Variants in WDR83 observed in about 807,000 individuals in gnomAD.
WDR83 encodes WD repeat domain 83.
In WDR83, 37 loss-of-function variants were observed where a neutral mutation model predicts 37.7. The observed-to-expected ratio is 0.98, with a 90% CI of 0.76 to 1.29. WDR83 has a LOEUF of 1.29. Ranked by LOEUF, WDR83 falls within the 50% of genes most tolerant of loss-of-function variation. The pLI is 0.00. For missense variants in WDR83, 445 were observed against 414.4 expected, an observed-to-expected ratio of 1.07 and a Z score of -0.64; for synonymous variants, 174 against 181.1, an observed-to-expected ratio of 0.96 and a Z score of 0.31.
At chr19:12,667,903 G>A (rs2024300012) in intron 1 of WDR83, among the ~76,000 whole-genome samples, 1 of 152,056 alleles carries the variant, frequency 6.6e-6, no homozygotes, top group Non-Finnish European at 1.5e-5. Context: ...TTGCCAGAGG[G>A]CAGAAGTCAC....
rs772261340 is a variant in WDR83, at chr19:12,668,597, G to A, written c.-67G>A. On this transcript the variant is annotated 5_prime_UTR_variant, in exon 2 of 11. Coordinates refer to ENST00000418543, the MANE Select transcript of WDR83 (RefSeq NM_001099737.3). ...AGCTGATGAAGGAGCAGTAGACAGC[G>A]ACCCAAGCACACCACTTCAGCTAGG... The A allele has an allele frequency of 1.9e-6, 3 of 1,614,030 alleles. No individual in the cohort carries two copies. The highest frequency in any genetic ancestry group is 2.5e-6 in the Non-Finnish European group (3 of 1,180,002).
intron 1 of WDR83, chr19:12,668,289 C>T: frequency 6.7e-7 from 1 of 1,487,388 alleles, no homozygotes; most frequent in African/African-American, 1.4e-5. Flanking sequence ...CTGAAGGCAG[C>T]AGGTTTAGCA....
In WDR83 at chr19:12,670,686, G is replaced by A; in HGVS notation, c.380-9G>A. On this transcript the variant is annotated splice_polypyrimidine_tract_variant and intron_variant, in intron 6 of 10. Transcript: ENST00000418543. ...CAAACCTGACCTCACCATCATGCTG[G>A]CCTCACAGGCTCTATTGATTCCAGT... 6.2e-7 allele frequency: 1 copy of A among 1,614,196 alleles called. No individual in the cohort carries two copies. Among genetic ancestry groups the A allele is most frequent in the Non-Finnish European group, 8.5e-7 (1 of 1,180,028 alleles).
At chr19:12,673,394 G>C (rs2145323476) in intron 10 of WDR83, 78 bp downstream of exon 10, 1 of 858,126 alleles carries the variant, frequency 1.2e-6, no homozygotes, top group East Asian at 2.6e-5. Context: ...TCACTCCAGG[G>C]CCTGAAGGCT....
At position 12,673,052 on chromosome 19, in the gene WDR83, C is replaced by G; in HGVS notation, c.619C>G (p.Leu207Val). The change falls in exon 9 of 11, where the codon CTG becomes GTG. Residue 207 changes from leucine (L) to valine (V), a missense_variant. Leu to Val is a conservative substitution (Grantham distance 32). Coordinates refer to ENST00000418543, the MANE Select transcript of WDR83 (RefSeq NM_001099737.3). Reference protein sequence around the residue: ...TCFSRDGQCTLVSSLDSTLRL... With the variant: ...TCFSRDGQCTVVSSLDSTLRL... ...CTTCAGCCGGGATGGGCAGTGCACC[C>G]TGGTGTCCAGCCTGGACTCCACATT... 4 of 1,613,826 alleles carry G rather than the reference C, an allele frequency of 2.5e-6. No individual in the cohort carries two copies. The highest frequency in any genetic ancestry group is 2.5e-6 in the Non-Finnish European group (3 of 1,179,778).
rs1157249470 is a variant in WDR83, at chr19:12,673,076, T to C, written c.643T>C (p.Leu215=). The C allele has an allele frequency of 6.2e-7, 1 of 1,611,890 alleles. No individual in the cohort carries two copies. Among genetic ancestry groups the C allele is most frequent in the Admixed American group, 1.7e-5 (1 of 59,938 alleles). ...CTLVSSLDST[L]RLLDKDTGEL... ...CCTGGTGTCCAGCCTGGACTCCACA[T>C]TGCGGCTCCTGGACAAAGACACAGG... The change falls in exon 9 of 11, where the codon TTG becomes CTG. Residue 215 remains leucine (L), a synonymous_variant. Coordinates refer to ENST00000418543, the MANE Select transcript of WDR83 (RefSeq NM_001099737.3).
At chr19:12,672,972 C>T in intron 8 of WDR83, 36 bp from the exon 9 acceptor site, 3 of 1,599,512 alleles carry the variant, frequency 1.9e-6, no homozygotes, top group Non-Finnish European at 2.6e-6. Context: ...ACCAGGGGCA[C>T]CCCACCCTCA....
intron 10 of WDR83, among the ~76,000 whole-genome samples, chr19:12,674,052 A>C (rs564144282): frequency 6.6e-6 from 1 of 152,170 alleles, no homozygotes; most frequent in Non-Finnish European, 1.5e-5. Context: ...AGGGAACAGC[A>C]TATGTTAAGA....
chr19:12,670,698 C>G lies in WDR83; in HGVS notation c.383C>G (p.Ser128Cys). The G allele has an allele frequency of 2.5e-6, 4 of 1,614,214 alleles. No homozygotes were observed. In the East Asian group the frequency reaches 8.9e-5, roughly 36 times the overall value. Residue 128 changes from serine (S) to cysteine (C), a missense_variant, in exon 7 of 11, where the codon TCT (serine) becomes TGT (cysteine). Transcript: ENST00000418543. Reference sequence around the variant, plus strand: ...CACCATCATGCTGGCCTCACAGGCTCTATTGATTCCAGTATCCGCTGTTGG... The same window carrying G: ...CACCATCATGCTGGCCTCACAGGCTGTATTGATTCCAGTATCCGCTGTTGG... The part of the protein sequence containing the change: ...NEEATVILSG[S>C]IDSSIRCWDC...
chr19:12,670,236 G>T lies in WDR83; in HGVS notation c.281G>T (p.Trp94Leu). Residue 94 changes from tryptophan to leucine, a missense_variant, in exon 5 of 11, where the codon TGG becomes TTG. By Grantham distance (61) the Trp-to-Leu change is moderately conservative (BLOSUM62 -2). Coordinates refer to ENST00000418543, the MANE Select transcript of WDR83 (RefSeq NM_001099737.3). ...SGGGDKAVVLWDVASGQVVRK... is the reference protein window; with the variant it reads ...SGGGDKAVVLLDVASGQVVRK... The stretch of plus-strand genomic sequence containing the variant: ...GGCGGGGACAAGGCGGTGGTTCTGT[G>T]GGATGTGGCATCAGGGCAGGTCGTG... 1 of 1,614,126 alleles carries T rather than the reference G, an allele frequency of 6.2e-7. No homozygotes were observed. Among genetic ancestry groups the T allele is most frequent in the South Asian group, 1.1e-5 (1 of 91,076 alleles).
chr19:12,673,238 C>G lies in WDR83; in HGVS notation c.720C>G (p.Asp240Glu), dbSNP rs1350426872. The change falls in exon 10 of 11, where the codon GAC becomes GAG. Residue 240 changes from aspartate (D) to glutamate (E), a missense_variant. Asp to Glu is a conservative substitution (Grantham distance 45). Transcript: ENST00000418543. ...ATAAGAACCAGGAATACAAGCTGGACTGCTGCCTGAGCGAGCGTGACACAC... is the reference window on the plus strand; with the variant it reads ...ATAAGAACCAGGAATACAAGCTGGAGTGCTGCCTGAGCGAGCGTGACACAC... ...KGHKNQEYKL[D>E]CCLSERDTHV... 1 of 1,614,062 alleles carries G rather than the reference C, an allele frequency of 6.2e-7. No homozygotes were observed. Among genetic ancestry groups the G allele is most frequent in the South Asian group, 1.1e-5 (1 of 91,074 alleles).
chr19:12,668,205 A>T, intron 1 of WDR83: 3 of 728,686 alleles, frequency 4.1e-6, no homozygotes, highest in Non-Finnish European at 6.8e-6. Flanking sequence ...GGTGTTCCCT[A>T]GGAAAGGGCC....
At position 12,673,002 on chromosome 19, in the gene WDR83, C is replaced by T. The variant is rs2024468850; in HGVS notation, c.575-6C>T. 1 of 1,612,320 alleles carries T rather than the reference C, an allele frequency of 6.2e-7. No individual in the cohort carries two copies. The highest frequency in any genetic ancestry group is 8.5e-7 in the Non-Finnish European group (1 of 1,179,100). ...CCCTCACTCACCTACCCACCCTTCC[C>T]CCAAGGCCCCATCACCTGCACCTGC... On this transcript the variant is annotated splice_polypyrimidine_tract_variant and splice_region_variant and intron_variant, in intron 8 of 10. Coordinates refer to ENST00000418543, the MANE Select transcript of WDR83 (RefSeq NM_001099737.3).
intron 10 of WDR83, 149 bp downstream of exon 10, chr19:12,673,465 T>C: frequency 1.7e-6 from 1 of 598,570 alleles, no homozygotes; most frequent in African/African-American, 2.0e-5. Context: ...TCGCCCAGGC[T>C]AGAGTGCAGT....
At chr19:12,669,081 C>T (rs2024333980) in intron 2 of WDR83, 1 of 1,589,640 alleles carries the variant, frequency 6.3e-7, no homozygotes, top group Non-Finnish European at 8.6e-7. Context: ...GCCCCCGGGC[C>T]TCGTTCTCAG....
Position 12,668,501 on chromosome 19 carries a change from T to C in WDR83, c.-156-7T>C. 1 of 1,613,832 alleles carries C rather than the reference T, an allele frequency of 6.2e-7. No homozygotes were observed. Among genetic ancestry groups the C allele is most frequent in the Non-Finnish European group, 8.5e-7 (1 of 1,179,782 alleles). On this transcript the variant is annotated splice_region_variant and splice_polypyrimidine_tract_variant and intron_variant, in intron 1 of 10. Coordinates refer to ENST00000418543, the MANE Select transcript of WDR83 (RefSeq NM_001099737.3). ...CACCCCTTACTCAAGAGTCACTTGT[T>C]CTGTAGGGCAAGTCTCACATGAAGC...
intron 1 of WDR83, among the ~76,000 whole-genome samples, chr19:12,667,797 G>C (rs2024295428): frequency 6.6e-6 from 1 of 151,900 alleles, no homozygotes; most frequent in Non-Finnish European, 1.5e-5. Flanking sequence ...CACTCAGCCT[G>C]CATGACAGAT....
In WDR83 at chr19:12,673,003, C is replaced by T. The variant is rs752174235; in HGVS notation, c.575-5C>T. On this transcript the variant is annotated splice_polypyrimidine_tract_variant and splice_region_variant and intron_variant, in intron 8 of 10. Coordinates refer to ENST00000418543, the MANE Select transcript of WDR83 (RefSeq NM_001099737.3). ...CCTCACTCACCTACCCACCCTTCCC[C>T]CAAGGCCCCATCACCTGCACCTGCT... The T allele has an allele frequency of 1.2e-6, 2 of 1,612,482 alleles. No individual in the cohort carries two copies. Among genetic ancestry groups the T allele is most frequent in the African/African-American group, 2.7e-5 (2 of 74,886 alleles).
In WDR83 at chr19:12,669,990, C is replaced by G. The variant is rs138368753; in HGVS notation, c.117C>G (p.Tyr39Ter). 1.2e-5 allele frequency: 19 copies of G among 1,611,082 alleles called. No homozygotes were observed. Among genetic ancestry groups the G allele is most frequent in the Non-Finnish European group, 1.4e-5 (17 of 1,177,680 alleles). ...RAVRFNVDGNYCLTCGSDKTL... is the reference protein window; with the variant it reads ...RAVRFNVDGN Reference sequence around the variant, plus strand: ...GGTGTTCCCCAGTGGATGGCAATTACTGCCTGACGTGCGGCAGTGACAAGA... The same window carrying G: ...GGTGTTCCCCAGTGGATGGCAATTAGTGCCTGACGTGCGGCAGTGACAAGA... The change falls in exon 4 of 11, where the codon TAC (tyrosine) becomes TAG (stop). Residue 39 changes from tyrosine (Y) to a stop codon, truncating the protein, a stop_gained. Transcript: ENST00000418543. LOFTEE classifies it high-confidence loss of function.
Sources: gnomAD v4.1 joint callset for allele counts (sites outside exome capture counted in the v4.1 genomes callset) on GRCh38, gnomAD v4.1.1 for gene constraint, MANE v1.5 for transcripts, NCBI Gene and HGNC (gene_info 2026-07-23, HGNC 2026-07-21) for gene names.